Variants in HECW1 observed in about 807,000 individuals in gnomAD.
HECW1 encodes HECT, C2 and WW domain containing E3 ubiquitin protein ligase 1.
In HECW1, 61 loss-of-function variants were observed where a neutral mutation model predicts 182.3. The ratio of observed to expected loss-of-function variants is 0.33; its 90% confidence interval spans 0.27 to 0.41. The LOEUF (loss-of-function observed/expected upper bound fraction) is 0.41, where lower values mean the gene tolerates loss of function less well. Among genes scored for constraint, HECW1 ranks in the 10% least tolerant of loss-of-function variants. The probability of loss-of-function intolerance (pLI) is 1.00; values close to 1 mark genes in which losing one functional copy is unlikely to be tolerated. For synonymous variants in HECW1, 859 were observed against 832.6 expected (o/e 1.03, Z -0.55); for missense variants, 1,739 against 2,108.9 (o/e 0.82, Z 3.44).
At chr7:43,469,180 A>G in intron 16 of HECW1, 75 bp downstream of exon 16, 1 of 1,471,850 alleles carries the variant, frequency 6.8e-7, no homozygotes, top group East Asian at 2.3e-5. Flanking sequence ...GGGCGTGAGG[A>G]GGAGAGTGTG....
intron 12 of HECW1, among the ~76,000 whole-genome samples, chr7:43,454,263 TAC>T (rs1250684658): frequency 1.3e-5 from 2 of 152,246 alleles, no homozygotes; most frequent in Non-Finnish European, 2.9e-5. Flanking sequence ...GAGTGAGTGC[TAC>T]ACAGTTTGTT....
At chr7:43,212,347 A>AT (rs1439573507) in intron 2 of HECW1, among the ~76,000 whole-genome samples, 1 of 152,120 alleles carries the variant, frequency 6.6e-6, no homozygotes, top group Non-Finnish European at 1.5e-5. Context: ...ACATTCAATA[A>AT]TTTTTTCCTG....
chr7:43,220,287 G>A (rs1796832972), intron 2 of HECW1, among the ~76,000 whole-genome samples: 1 of 152,194 alleles, frequency 6.6e-6, no homozygotes, highest in Admixed American at 6.5e-5. Context: ...CGCTTCCTGT[G>A]TCCTCTCCCT....
chr7:43,352,874 C>T (rs893114328), intron 5 of HECW1, among the ~76,000 whole-genome samples: 10 of 152,130 alleles, frequency 6.6e-5, no homozygotes, highest in African/African-American at 2.4e-4. Context: ...TTTACTTACT[C>T]AGGTCTCCTA....
At chr7:43,231,430 C>G (rs897679392) in intron 2 of HECW1, among the ~76,000 whole-genome samples, 4 of 152,196 alleles carry the variant, frequency 2.6e-5, no homozygotes, top group African/African-American at 9.7e-5. Flanking sequence ...CATGTTCCAC[C>G]TTAGAATTCC....
intron 26 of HECW1, among the ~76,000 whole-genome samples, chr7:43,543,087 A>G (rs2081421026): frequency 6.6e-6 from 1 of 152,250 alleles, no homozygotes; most frequent in African/African-American, 2.4e-5. Context: ...TATAACATCA[A>G]ATCTTCGGAT....
At chr7:43,281,336 G>A (rs2152747933) in intron 3 of HECW1, among the ~76,000 whole-genome samples, 1 of 152,334 alleles carries the variant, frequency 6.6e-6, no homozygotes, top group East Asian at 1.9e-4. Flanking sequence ...GCTCTCCACA[G>A]CTGGTGTCCA....
intron 3 of HECW1, among the ~76,000 whole-genome samples, chr7:43,268,756 T>C (rs1802056978): frequency 8.9e-6 from 1 of 112,250 alleles, no homozygotes; most frequent in South Asian, 3.8e-4. Flanking sequence ...ACCTGTGTTT[T>C]GTTGTTGTTG....
intron 26 of HECW1, among the ~76,000 whole-genome samples, chr7:43,547,829 C>T (rs1380621385): frequency 1.3e-5 from 2 of 152,204 alleles, no homozygotes; most frequent in Non-Finnish European, 2.9e-5. Context: ...AGTGGCCCTT[C>T]GTGTGGGTCC....
At position 43,432,669 on chromosome 7, in the gene HECW1, A is replaced by G. The variant is rs2076591294; in HGVS notation, c.802-5334A>G. Among the ~76,000 whole-genome samples, 1 of 152,158 alleles carries G rather than the reference A, an allele frequency of 6.6e-6. No homozygotes were observed. The highest frequency in any genetic ancestry group is 2.1e-4 in the South Asian group (1 of 4,820). On this transcript the variant is annotated intron_variant, in intron 8 of 29. Coordinates refer to ENST00000395891, the MANE Select transcript of HECW1 (RefSeq NM_015052.5). This position sits in a 1 kb window ranked among gnomAD's most constrained non-coding sequence, Gnocchi z 4.1. ...GCACCCAGCTCACAGCCAGTGCCCA[A>G]AAAGTGTTTATGAATGAATGGATAC...
chr7:43,438,821 CTAAA>C (rs1355191018), intron 9 of HECW1: 1 of 152,100 alleles, frequency 6.6e-6, no homozygotes, highest in African/African-American at 2.4e-5. Flanking sequence ...TTTGAAAACA[CTAAA>C]TAAAGCTTTC....
chr7:43,543,804 A>G (rs976787949), intron 26 of HECW1, among the ~76,000 whole-genome samples: 8 of 151,918 alleles, frequency 5.3e-5, no homozygotes, highest in African/African-American at 1.9e-4. Flanking sequence ...AAAAAGAAAA[A>G]AAAAGAAAAC....
In HECW1 at chr7:43,114,408, T is replaced by G; in HGVS notation, c.-32+17T>G. On this transcript the variant is annotated intron_variant, in intron 2 of 29. Coordinates refer to ENST00000395891, the MANE Select transcript of HECW1 (RefSeq NM_015052.5). ...GCTATTACGGTAATTCATTCTAGATTGGGGATTCATTTAAAAATGTGTGTT... is the reference window on the plus strand; with the variant it reads ...GCTATTACGGTAATTCATTCTAGATGGGGGATTCATTTAAAAATGTGTGTT... 7.5e-7 allele frequency: 1 copy of G among 1,336,404 alleles called. No individual in the cohort carries two copies. Among genetic ancestry groups the G allele is most frequent in the Non-Finnish European group, 9.8e-7 (1 of 1,017,250 alleles). 82.8% of individuals were successfully genotyped at this position (1,336,404 alleles called of 1,614,324 possible). A position where few individuals can be genotyped will look rare whatever the true frequency, so the allele number is the denominator to read the frequency against.
intron 2 of HECW1, among the ~76,000 whole-genome samples, chr7:43,177,076 C>A (rs1178948216): frequency 1.3e-5 from 2 of 152,110 alleles, no homozygotes; most frequent in Non-Finnish European, 2.9e-5. Flanking sequence ...TTGAAAATTG[C>A]CTGAAATTGT....
rs565996380 is a variant in HECW1, at chr7:43,271,285, TC to T, written c.27+27356del. On this transcript the variant is annotated intron_variant, in intron 3 of 29. Coordinates refer to ENST00000395891, the MANE Select transcript of HECW1 (RefSeq NM_015052.5). ...TGGAATGAGCAAAAACTGGAAATATTCCCTTTGAGAACTGGAACAAGAAAAG... is the reference window on the plus strand; with the variant it reads ...TGGAATGAGCAAAAACTGGAAATATTCCTTTGAGAACTGGAACAAGAAAAG... Among the ~76,000 whole-genome samples the T allele has an allele frequency of 1.5e-3, 236 of 152,280 alleles. 1 individual carries two copies. The highest frequency in any genetic ancestry group is 5.4e-3 in the African/African-American group (224 of 41,554).
intron 4 of HECW1, among the ~76,000 whole-genome samples, chr7:43,312,937 G>A (rs1808717766): frequency 6.6e-6 from 1 of 152,256 alleles, no homozygotes; most frequent in Non-Finnish European, 1.5e-5. Context: ...CCGAGGCCAG[G>A]CCTTCTGCCT....
intron 24 of HECW1, 35 bp from the exon 25 acceptor site, chr7:43,541,128 C>T (rs769525548): frequency 1.2e-5 from 18 of 1,494,316 alleles, no homozygotes; most frequent in Non-Finnish European, 1.6e-5. Flanking sequence ...TGTAAATTTC[C>T]ACTTACCGAT....
intron 24 of HECW1, among the ~76,000 whole-genome samples, chr7:43,517,099 A>T (rs754946224): frequency 6.6e-6 from 1 of 152,228 alleles, no homozygotes; most frequent in Non-Finnish European, 1.5e-5. Context: ...CGACTACGTT[A>T]TGAGTCACTC....
At chr7:43,493,303 G>T in intron 19 of HECW1, 123 bp downstream of exon 19, 1 of 602,718 alleles carries the variant, frequency 1.7e-6, no homozygotes. Flanking sequence ...ATTTAAATGA[G>T]AACTTGAATC....
Sources: gnomAD v4.1 joint callset for allele counts (sites outside exome capture counted in the v4.1 genomes callset) on GRCh38, gnomAD v4.1.1 for gene constraint, Gnocchi (gnomAD v3.1) non-coding constraint, MANE v1.5 for transcripts, NCBI Gene and HGNC (gene_info 2026-07-23, HGNC 2026-07-21) for gene names.